UIMC1: variants seen among roughly 807,000 people sequenced by gnomAD.
UIMC1 encodes ubiquitin interaction motif containing 1, also known as BRCA1-A complex subunit RAP80.
UIMC1 carries 42 observed loss-of-function variants against 84.9 expected under a neutral mutation model. The ratio of observed to expected loss-of-function variants is 0.49; its 90% CI spans 0.39 to 0.64. The LOEUF is 0.64. Among genes scored for constraint, UIMC1 ranks in the 30% least tolerant of loss-of-function variants. The pLI is 0.00. For missense variants in UIMC1, 825 were observed against 847.6 expected (o/e 0.97, Z 0.33); for synonymous variants, 281 against 293.0 (o/e 0.96, Z 0.42).
At chr5:176,966,902 G>A (rs1768387412) in intron 6 of UIMC1, among the ~76,000 whole-genome samples, 1 of 152,074 alleles carries the variant, frequency 6.6e-6, no homozygotes, top group East Asian at 1.9e-4. Flanking sequence ...AGACAGAAAA[G>A]GAAATACAAA....
rs1759471054 is a variant in UIMC1 at position 176,907,003 on chromosome 5, G to T, written c.1912+111C>A. On this transcript the variant is annotated intron_variant, in intron 13 of 14. Coordinates refer to ENST00000511320, the MANE Select transcript of UIMC1 (RefSeq NM_001199298.2). ...TTGAGTCTCAAAGGCTGGCTGACTG[G>T]ATCACGTGTGTACCCAGATAACCAC... 8.2e-6 allele frequency: 9 copies of T among 1,100,142 alleles called. No homozygotes were observed. The East Asian group carries it at 2.0e-4, about 25-fold the overall frequency. 68.1% of individuals were successfully genotyped at this position (1,100,142 alleles called of 1,614,324 possible). A position where few individuals can be genotyped will look rare whatever the true frequency, so the allele number is the denominator to read the frequency against.
chr5:176,947,422 T>G (rs1404946123), intron 9 of UIMC1, among the ~76,000 whole-genome samples: 3 of 152,206 alleles, frequency 2.0e-5, no homozygotes, highest in Non-Finnish European at 2.9e-5. Context: ...TGTATACATG[T>G]GCCATGTTGG....
At chr5:176,981,814 G>A (rs1306139374) in intron 2 of UIMC1, among the ~76,000 whole-genome samples, 2 of 151,996 alleles carry the variant, frequency 1.3e-5, no homozygotes, top group Non-Finnish European at 2.9e-5. Flanking sequence ...ATAGGAGAAA[G>A]AGAAGAAAAT....
intron 2 of UIMC1, among the ~76,000 whole-genome samples, chr5:176,981,905 G>C (rs1159009688): frequency 1.3e-5 from 2 of 152,118 alleles, no homozygotes; most frequent in Non-Finnish European, 2.9e-5. Flanking sequence ...TAAACAAATA[G>C]AAATACAGGA....
rs889525586 is a variant in UIMC1, at chr5:176,945,404, T to C, written c.1444-1916A>G. Among the ~76,000 whole-genome samples, 22 of 152,294 alleles carry C rather than the reference T, an allele frequency of 1.4e-4. No homozygotes were observed. The Middle Eastern group carries it at 0.01, about 71-fold the overall frequency. On this transcript the variant is annotated intron_variant, in intron 9 of 14. Coordinates refer to ENST00000511320, the MANE Select transcript of UIMC1 (RefSeq NM_001199298.2). ...CATGTAGGGAGACTCCCTGAAACTA[T>C]TGCTATGGAATTAAAGATGAAATGC...
chr5:176,996,307 G>A (rs1027884218), intron 1 of UIMC1, among the ~76,000 whole-genome samples: 1 of 152,184 alleles, frequency 6.6e-6, no homozygotes, highest in Non-Finnish European at 1.5e-5. Flanking sequence ...GAAATTACTG[G>A]TAAGGGGCAG....
intron 10 of UIMC1, among the ~76,000 whole-genome samples, chr5:176,926,558 G>C (rs1051779196): frequency 6.6e-6 from 1 of 151,956 alleles, no homozygotes; most frequent in African/African-American, 2.4e-5. Flanking sequence ...GACTGCTGGA[G>C]CCCAGGAGTT....
intron 9 of UIMC1, among the ~76,000 whole-genome samples, chr5:176,945,614 T>C (rs1024669479): frequency 6.6e-6 from 1 of 152,186 alleles, no homozygotes; most frequent in Non-Finnish European, 1.5e-5. Flanking sequence ...TTCATAGCTC[T>C]GGGAATGGAA....
chr5:176,974,473 A>G (rs1014018846), intron 3 of UIMC1, among the ~76,000 whole-genome samples: 40 of 152,342 alleles, frequency 2.6e-4, no homozygotes, highest in Admixed American at 5.9e-4. Context: ...TCATAACCTT[A>G]GCGTAGTCAA....
At position 176,905,263 on chromosome 5, in the gene UIMC1, A is replaced by G. The variant is rs1399994111; in HGVS notation, c.*19T>C. ...ACCCCTCCTACTAATGGTTTTGTCA[A>G]CTTTTGGACCCTAGAAATTCAGAAT... On this transcript the variant is annotated 3_prime_UTR_variant, in exon 15 of 15. Coordinates refer to ENST00000511320, the MANE Select transcript of UIMC1 (RefSeq NM_001199298.2). The G allele has an allele frequency of 1.9e-6, 3 of 1,611,618 alleles. No individual in the cohort carries two copies. The highest frequency in any genetic ancestry group is 8.5e-7 in the Non-Finnish European group (1 of 1,178,400).
At chr5:176,975,195 C>A (rs142001422) in intron 3 of UIMC1, among the ~76,000 whole-genome samples, 1 of 152,196 alleles carries the variant, frequency 6.6e-6, no homozygotes, top group Non-Finnish European at 1.5e-5. Flanking sequence ...ATGACCACTT[C>A]TGGCTTCCAC....
At chr5:176,993,079 G>C (rs1258973206) in intron 1 of UIMC1, among the ~76,000 whole-genome samples, 2 of 151,734 alleles carry the variant, frequency 1.3e-5, no homozygotes, top group Admixed American at 6.6e-5. Flanking sequence ...CCAGCTACTG[G>C]GGAGGCTGAG....
rs143501914 is a variant in UIMC1 at position 176,929,674 on chromosome 5, A to G, written c.1597+13661T>C. On this transcript the variant is annotated intron_variant, in intron 10 of 14. Coordinates refer to ENST00000511320, the MANE Select transcript of UIMC1 (RefSeq NM_001199298.2). Reference sequence around the variant, plus strand: ...ACGAGTTGATGAATGACTAGGTAGAATATGGGGGTTCAGAGTACTACTATC... The same window carrying G: ...ACGAGTTGATGAATGACTAGGTAGAGTATGGGGGTTCAGAGTACTACTATC... Among the ~76,000 whole-genome samples, 1,386 of 152,356 alleles carry G rather than the reference A, an allele frequency of 9.1e-3. 7 individuals are homozygous for G. The highest frequency in any genetic ancestry group is 0.025 in the South Asian group (121 of 4,834).
At chr5:177,003,164 A>T (rs948349058) in intron 1 of UIMC1, among the ~76,000 whole-genome samples, 1 of 152,146 alleles carries the variant, frequency 6.6e-6, no homozygotes, top group East Asian at 1.9e-4. Context: ...CAATGAGCTT[A>T]TTTCTATAAT....
chr5:176,975,234 T>C (rs1272831256), intron 3 of UIMC1, among the ~76,000 whole-genome samples, 162 bp downstream of exon 3: 1 of 152,212 alleles, frequency 6.6e-6, no homozygotes, highest in Non-Finnish European at 1.5e-5. Flanking sequence ...AAAAAAGTTA[T>C]TGTTCCAATC....
chr5:176,951,222 T>TA (rs1765843443), intron 9 of UIMC1, among the ~76,000 whole-genome samples: 1 of 152,208 alleles, frequency 6.6e-6, no homozygotes, highest in South Asian at 2.1e-4. Context: ...TTAAACATCC[T>TA]AAGCCTCTGT....
At position 176,906,719 on chromosome 5, in the gene UIMC1, T is replaced by C. The variant is rs566304804; in HGVS notation, c.1912+395A>G. Among the ~76,000 whole-genome samples the C allele has an allele frequency of 2.6e-5, 4 of 152,328 alleles. No homozygotes were observed. The South Asian group carries it at 8.3e-4, about 32-fold the overall frequency. On this transcript the variant is annotated intron_variant, in intron 13 of 14. Coordinates refer to ENST00000511320, the MANE Select transcript of UIMC1 (RefSeq NM_001199298.2). The stretch of plus-strand genomic sequence containing the variant: ...ACGCACAAACGCTCAGGATCACAGG[T>C]TGCGACACTAAGATAAAGGTAACAT...
chr5:176,972,975 G>A (rs1206635482), intron 3 of UIMC1, among the ~76,000 whole-genome samples: 1 of 149,856 alleles, frequency 6.7e-6, no homozygotes, highest in African/African-American at 2.5e-5. Context: ...GAGTGCAGTG[G>A]CGTGATCTCA....
Position 176,906,707 on chromosome 5 carries a change from C to G in UIMC1, c.1912+407G>C, listed in dbSNP as rs529882536. ...TCCCTAAATACTACGCACAAACGCT[C>G]AGGATCACAGGTTGCGACACTAAGA... On this transcript the variant is annotated intron_variant, in intron 13 of 14. Transcript: ENST00000511320. Among the ~76,000 whole-genome samples the G allele has an allele frequency of 5.9e-5, 9 of 152,334 alleles. No homozygotes were observed. In the South Asian group the frequency reaches 1.2e-3, roughly 21 times the overall value.
Sources: allele counts gnomAD v4.1 joint callset (sites outside exome capture counted in the v4.1 genomes callset), GRCh38; gene constraint gnomAD v4.1.1; transcripts MANE v1.5; gene names NCBI Gene and HGNC (gene_info 2026-07-23, HGNC 2026-07-21).